Variants in HAVCR1 observed in about 807,000 individuals in gnomAD.
The protein encoded by HAVCR1 is T cell immunoglobin domain and mucin domain protein 1.
Under a neutral mutation model 32.0 loss-of-function variants are expected in HAVCR1, and 34 were observed. The observed-to-expected ratio is 1.06, with a 90% confidence interval of 0.81 to 1.42. The LOEUF (loss-of-function observed/expected upper bound fraction) is 1.42. Among genes scored for constraint, HAVCR1 ranks in the 40% most tolerant of loss-of-function variants. The probability of loss-of-function intolerance (pLI) is 0.00; values close to 1 mark genes in which losing one functional copy is unlikely to be tolerated. For missense variants in HAVCR1, 420 were observed against 442.3 expected (o/e 0.95, Z 0.45); for synonymous variants, 178 against 170.3 (o/e 1.05, Z -0.35).
At chr5:157,039,212 A>AT (rs979479751) in intron 6 of HAVCR1, among the ~76,000 whole-genome samples, 6 of 152,084 alleles carry the variant, frequency 3.9e-5, no homozygotes, top group Non-Finnish European at 7.4e-5. Flanking sequence ...TCCTTCTAGG[A>AT]TTTTTTCTTA....
rs774694582 is a variant in HAVCR1 at position 157,029,845 on chromosome 5, TAGAA to T, written c.987-8_987-5del. The T allele has an allele frequency of 1.9e-6, 3 of 1,609,396 alleles. No homozygotes were observed. The African/African-American group carries it at 4.0e-5, about 22-fold the overall frequency. The stretch of plus-strand genomic sequence containing the variant: ...TTGAAGGCTGCTAAATGAAACACTG[TAGAA>T]AGAGTTGTTGAAGAATAACATGAGT... On this transcript the variant is annotated splice_region_variant and splice_polypyrimidine_tract_variant and intron_variant, in intron 8 of 8. Coordinates refer to ENST00000523175, the MANE Select transcript of HAVCR1 (RefSeq NM_001173393.3).
chr5:157,044,472 G>GAAAGAAAGAAAGA (rs1561590439), intron 5 of HAVCR1, among the ~76,000 whole-genome samples: 4 of 32,214 alleles, frequency 1.2e-4, no homozygotes, highest in African/African-American at 4.4e-4. Context: ...AGAAAGAAAG[G>GAAAGAAAGAAAGA]AAGGAAGGAA....
At chr5:157,040,824 C>T (rs943632107) in intron 6 of HAVCR1, among the ~76,000 whole-genome samples, 6 of 151,984 alleles carry the variant, frequency 3.9e-5, no homozygotes, top group African/African-American at 7.3e-5. Flanking sequence ...CACTTGAACC[C>T]GGAAGGTGGA....
rs1554090478 is a variant in HAVCR1, at chr5:157,044,615, G to GAGAAAGAAAGAAAGAAAGAAAA, written c.782-1934_782-1933insTTTTCTTTCTTTCTTTCTTTCT. 1.7e-3 allele frequency among the ~76,000 whole-genome samples: 91 copies of GAGAAAGAAAGAAAGAAAGAAAA among 52,720 alleles called. 1 individual carries two copies. Among genetic ancestry groups the GAGAAAGAAAGAAAGAAAGAAAA allele is most frequent in the Non-Finnish European group, 3.0e-3 (78 of 25,796 alleles). The allele number at this position is 52,720 out of a possible 152,430, so 34.6% of individuals were successfully genotyped here. A position where few individuals can be genotyped will look rare whatever the true frequency, so the allele number is the denominator to read the frequency against. On this transcript the variant is annotated intron_variant, in intron 5 of 8. Transcript: ENST00000523175. ...AGAAAGAAAGAAAGAAAGAAAGAAA[G>GAGAAAGAAAGAAAGAAAGAAAA]AGAAAGAAAGAAAGAAAGAAAGAAA...
At chr5:157,052,300 C>A in intron 4 of HAVCR1, 61 bp downstream of exon 4, 1 of 1,433,530 alleles carries the variant, frequency 7.0e-7, no homozygotes, top group South Asian at 1.2e-5. Context: ...GATACAATGC[C>A]CTGGATGGTC....
chr5:157,056,450 G>C (rs1561604784), intron 2 of HAVCR1, among the ~76,000 whole-genome samples: 2 of 150,320 alleles, frequency 1.3e-5, no homozygotes, highest in African/African-American at 4.9e-5. Context: ...TGTGATCTCG[G>C]CTCACTGCAA....
intron 7 of HAVCR1, among the ~76,000 whole-genome samples, chr5:157,033,109 T>C (rs770354740): frequency 2.4e-4 from 37 of 152,070 alleles, no homozygotes; most frequent in Non-Finnish European, 1.3e-4. Context: ...GGTGTATTCA[T>C]CCACATATCC....
intron 1 of HAVCR1, among the ~76,000 whole-genome samples, chr5:157,058,688 TAAA>T (rs1756382214): frequency 6.6e-6 from 1 of 152,066 alleles, no homozygotes; most frequent in African/African-American, 2.4e-5. Context: ...CTTTTCAGAG[TAAA>T]CTGGGCCTCT....
the HAVCR1 span, among the ~76,000 whole-genome samples, chr5:157,065,485 G>A: frequency 4.6e-5 from 7 of 152,184 alleles, no homozygotes; most frequent in African/African-American, 1.4e-4. Flanking sequence ...TTGGGAGACC[G>A]GGGCAGGCTG....
At chr5:157,052,842 C>T (rs1755850087) in intron 3 of HAVCR1, among the ~76,000 whole-genome samples, 188 bp from the exon 4 acceptor site, 1 of 152,194 alleles carries the variant, frequency 6.6e-6, no homozygotes, top group African/African-American at 2.4e-5. Flanking sequence ...CATACCCCTC[C>T]TTCCAAAAGA....
intron 4 of HAVCR1, among the ~76,000 whole-genome samples, chr5:157,050,069 C>T (rs1304277146): frequency 2.0e-5 from 3 of 152,184 alleles, no homozygotes; most frequent in African/African-American, 7.2e-5. Flanking sequence ...GGATGAATTC[C>T]CAAACCTGGC....
chr5:157,066,055 T>TAAAAAAAAAAAAAAAAAA, the HAVCR1 span, among the ~76,000 whole-genome samples: 157 of 66,846 alleles, frequency 2.3e-3, 10 homozygotes, highest in Middle Eastern at 8.8e-3. Flanking sequence ...GACTCCGTCT[T>TAAAAAAAAAAAAAAAAAA]AAAAAAAAAA....
chr5:157,068,182 G>A, the HAVCR1 span, among the ~76,000 whole-genome samples: 2 of 152,148 alleles, frequency 1.3e-5, no homozygotes, highest in African/African-American at 2.4e-5. Context: ...GCTGAGGCAG[G>A]AGAATTGCTT....
intron 5 of HAVCR1, among the ~76,000 whole-genome samples, chr5:157,048,041 T>G (rs1439781299): frequency 6.6e-6 from 1 of 152,224 alleles, no homozygotes; most frequent in African/African-American, 2.4e-5. Flanking sequence ...TGATGATTGT[T>G]GTTGACGTGG....
chr5:157,057,837 T>C, intron 2 of HAVCR1, 61 bp downstream of exon 2: 1 of 997,836 alleles, frequency 1.0e-6, no homozygotes. Context: ...CCCTACCCCA[T>C]TCTCTGGCTT....
In HAVCR1 at chr5:157,039,379, T is replaced by C. The variant is rs544090492; in HGVS notation, c.838-2018A>G. ...ATGCACTGCAATGACTACATTCTTA[T>C]GCTCTGTTGCCCAGGCTGGAGTACA... On this transcript the variant is annotated intron_variant, in intron 6 of 8. Transcript: ENST00000523175. 5.9e-5 allele frequency among the ~76,000 whole-genome samples: 9 copies of C among 152,302 alleles called. No homozygotes were observed. The East Asian group carries it at 1.7e-3, about 29-fold the overall frequency.
rs749159705 is a variant in HAVCR1 at position 157,042,652 on chromosome 5, T to C, written c.812A>G (p.Asp271Gly). 8 of 1,596,276 alleles carry C rather than the reference T, an allele frequency of 5.0e-6. No homozygotes were observed. The highest frequency in any genetic ancestry group is 6.9e-6 in the Non-Finnish European group (8 of 1,164,734). Residue 271 changes from aspartate to glycine, a missense_variant, in exon 6 of 9, where the codon GAT becomes GGT. Asp to Gly is a moderately conservative substitution (Grantham distance 94). Coordinates refer to ENST00000523175, the MANE Select transcript of HAVCR1 (RefSeq NM_001173393.3). ...DGNDTVTESSDGLWNNNQTQL... is the reference protein window; with the variant it reads ...DGNDTVTESSGGLWNNNQTQL... ...AGTTTGATTGTTATTCCAAAGGCCATCTGAAGACTCTGTCACGGTGTCATT... is the reference window on the plus strand; with the variant it reads ...AGTTTGATTGTTATTCCAAAGGCCACCTGAAGACTCTGTCACGGTGTCATT...
At chr5:157,052,754 T>C in intron 3 of HAVCR1, 100 bp from the exon 4 acceptor site, 1 of 970,816 alleles carries the variant, frequency 1.0e-6, no homozygotes, top group Non-Finnish European at 1.6e-6. Flanking sequence ...AGACTGTCCC[T>C]AGGTGGAGTT....
At chr5:157,055,088 TTA>T in intron 3 of HAVCR1, 111 bp downstream of exon 3, 5 of 595,410 alleles carry the variant, frequency 8.4e-6, no homozygotes, top group East Asian at 5.5e-5. Context: ...GAACAAGAGT[TTA>T]TTTAAAAACA....
Sources: allele counts gnomAD v4.1 joint callset (sites outside exome capture counted in the v4.1 genomes callset), GRCh38; gene constraint gnomAD v4.1.1; transcripts MANE v1.5; gene names NCBI Gene and HGNC (gene_info 2026-07-23, HGNC 2026-07-21).